The following MAMSTR variants were observed in gnomAD, a reference collection of about 807,000 sequenced individuals.
MAMSTR encodes MEF2 activating motif and SAP domain containing transcriptional regulator.
A neutral mutation model predicts 42.7 loss-of-function variants in MAMSTR; 41 were observed. The ratio of observed to expected loss-of-function variants is 0.96; its 90% CI spans 0.75 to 1.25. The LOEUF is 1.25. Among genes scored for constraint, MAMSTR ranks in the 50% most tolerant of loss-of-function variants. MAMSTR has a pLI of 0.00. For missense variants in MAMSTR, 567 were observed against 557.6 expected (o/e 1.02, Z -0.17); for synonymous variants, 265 against 244.1 (o/e 1.09, Z -0.80).
downstream of MAMSTR, among the ~76,000 whole-genome samples, chr19:48,712,091 C>T (rs184436953): frequency 6.6e-6 from 1 of 152,220 alleles, no homozygotes; most frequent in East Asian, 1.9e-4. Context: ...ATGGGTTTCA[C>T]CATGTTGGCC....
chr19:48,714,113 C>A lies in MAMSTR; in HGVS notation c.724-68G>T, dbSNP rs2032866781. On this transcript the variant is annotated intron_variant, in intron 7 of 9. Transcript: ENST00000318083. ...AGGGCGCAACCCCACCCACTCGCAA[C>A]GTGTGGCTCCACCCCTTGATCCTCT... 4.8e-6 allele frequency: 7 copies of A among 1,459,292 alleles called. No individual in the cohort carries two copies. In the African/African-American group the frequency reaches 7.1e-5, roughly 15 times the overall value. 90.4% of individuals were successfully genotyped at this position (1,459,292 alleles called of 1,614,324 possible).
At chr19:48,718,107 T>C (rs1284872474) in intron 2 of MAMSTR, among the ~76,000 whole-genome samples, 1 of 152,116 alleles carries the variant, frequency 6.6e-6, no homozygotes, top group Non-Finnish European at 1.5e-5. Flanking sequence ...CCTCCCAAAG[T>C]GCTGGGATTA....
downstream of MAMSTR, among the ~76,000 whole-genome samples, chr19:48,710,083 T>C (rs2032700574): frequency 6.6e-6 from 1 of 151,626 alleles, no homozygotes; most frequent in Non-Finnish European, 1.5e-5. Context: ...GGTCTTGATC[T>C]CCGGACCTCG....
At position 48,714,399 on chromosome 19, in the gene MAMSTR, G is replaced by A. The variant is rs1410873620; in HGVS notation, c.690C>T (p.Pro230=). The A allele has an allele frequency of 2.2e-6, 3 of 1,386,450 alleles. No individual in the cohort carries two copies. The highest frequency in any genetic ancestry group is 1.5e-5 in the African/African-American group (1 of 65,506). 85.9% of individuals were successfully genotyped at this position (1,386,450 alleles called of 1,614,324 possible). The change falls in exon 7 of 10, where the codon CCC becomes CCT. Residue 230 remains proline (P), a synonymous_variant. Transcript: ENST00000318083. Reference sequence around the variant, plus strand: ...GACGCCGGGCGGCTGCCAGGGCCTTGGGCTTGAGGCGCGGCCAGGGAGCAC... The same window carrying A: ...GACGCCGGGCGGCTGCCAGGGCCTTAGGCTTGAGGCGCGGCCAGGGAGCAC... ...PAGAPWPRLK[P]KALAAARRQG... is the part of the protein sequence containing the mutation.
At position 48,715,701 on chromosome 19, in the gene MAMSTR, G is replaced by A. The variant is rs929912462; in HGVS notation, c.164C>T (p.Thr55Met). The change falls in exon 4 of 10, where the codon ACG (threonine) becomes ATG (methionine). Residue 55 changes from threonine to methionine, a missense_variant. Transcript: ENST00000318083. ...CCCAGGGCTGAAGAGGAAAGGGGCC[G>A]TGCCCGAGGGCAAGGCCGGGGCCAG... is the stretch of plus-strand genomic sequence containing the variant. ...PPLAPALPSGTAPFLFSPGVL... is the reference protein window; with the variant it reads ...PPLAPALPSGMAPFLFSPGVL... 1.5e-4 allele frequency: 231 copies of A among 1,539,860 alleles called. No individual in the cohort carries two copies. The highest frequency in any genetic ancestry group is 2.0e-4 in the Non-Finnish European group (224 of 1,144,106).
Position 48,713,896 on chromosome 19 carries a change from CAG to C in MAMSTR, c.871_872del (p.Leu291GlyfsTer16). On this transcript the variant is annotated frameshift_variant, in exon 8 of 10. Transcript: ENST00000318083. LOFTEE classifies it high-confidence loss of function. ...SSGPGSAALT[L>X]EEELQEAIRR... The stretch of plus-strand genomic sequence containing the variant: ...GGATCGCTTCCTGCAGCTCCTCCTC[CAG>C]AGTCAGAGCCGCTGAGCCCGGCCCT... 6.2e-7 allele frequency: 1 copy of C among 1,612,126 alleles called. No homozygotes were observed. Among genetic ancestry groups the C allele is most frequent in the East Asian group, 2.2e-5 (1 of 44,834 alleles).
chr19:48,708,350 G>T (rs1276188058), downstream of MAMSTR, among the ~76,000 whole-genome samples: 1 of 152,132 alleles, frequency 6.6e-6, no homozygotes, highest in Admixed American at 6.6e-5. Flanking sequence ...TGGGGAGGGA[G>T]TACGTTTATA....
At chr19:48,714,705 C>A in intron 6 of MAMSTR, 101 bp downstream of exon 6, 1 of 1,268,990 alleles carries the variant, frequency 7.9e-7, no homozygotes, top group Admixed American at 1.7e-5. Context: ...GGACTGGGTA[C>A]CCGATCTCCT....
rs911750073 is a variant in MAMSTR at position 48,713,214 on chromosome 19, G to T, written c.*53C>A. On this transcript the variant is annotated 3_prime_UTR_variant, in exon 10 of 10. Coordinates refer to ENST00000318083, the MANE Select transcript of MAMSTR (RefSeq NM_001130915.2). ...CTGGTAGTTCCCTCTCCTCCCACAA[G>T]GAGCTTCTCTCCACCCCCATCAGTT... 6.7e-7 allele frequency: 1 copy of T among 1,500,714 alleles called. No individual in the cohort carries two copies. The highest frequency in any genetic ancestry group is 1.4e-5 in the African/African-American group (1 of 70,838). 93.0% of individuals were successfully genotyped at this position (1,500,714 alleles called of 1,614,324 possible).
At chr19:48,716,062 T>C (rs1166826469) in intron 3 of MAMSTR, 9 of 844,826 alleles carry the variant, frequency 1.1e-5, no homozygotes, top group African/African-American at 1.8e-5. Flanking sequence ...TCCTGGTTCT[T>C]GGGGAGAGGG....
At chr19:48,715,875 G>A in intron 3 of MAMSTR, 108 bp from the exon 4 acceptor site, 1 of 1,466,170 alleles carries the variant, frequency 6.8e-7, no homozygotes, top group Non-Finnish European at 9.0e-7. Context: ...GGCAGGCCAG[G>A]GAGCAAGACT....
chr19:48,709,539 C>T (rs2032695795), downstream of MAMSTR, among the ~76,000 whole-genome samples: 1 of 152,222 alleles, frequency 6.6e-6, no homozygotes, highest in Non-Finnish European at 1.5e-5. Flanking sequence ...TGCACCCAGC[C>T]CCCAGCTTGT....
At position 48,714,065 on chromosome 19, in the gene MAMSTR, G is replaced by T; in HGVS notation, c.724-20C>A. 1.3e-6 allele frequency: 2 copies of T among 1,556,320 alleles called. No individual in the cohort carries two copies. The highest frequency in any genetic ancestry group is 1.2e-5 in the South Asian group (1 of 81,998). On this transcript the variant is annotated intron_variant, in intron 7 of 9. Transcript: ENST00000318083. ...CTTGACCTAGAGCAGCCAAGAGGGC[G>T]AGCGCCCATAAGCCATGCCCACAGG...
chr19:48,715,845 G>A lies in MAMSTR; in HGVS notation c.98-78C>T, dbSNP rs547764754. Reference sequence around the variant, plus strand: ...GGAGGAGCAAGGCTGTGTGGAAAGCGGGGCTCCAGGGTGCCGGAGGGCAGG... The same window carrying A: ...GGAGGAGCAAGGCTGTGTGGAAAGCAGGGCTCCAGGGTGCCGGAGGGCAGG... On this transcript the variant is annotated intron_variant, in intron 3 of 9. Coordinates refer to ENST00000318083, the MANE Select transcript of MAMSTR (RefSeq NM_001130915.2). 4.2e-5 allele frequency: 63 copies of A among 1,488,324 alleles called. No individual in the cohort carries two copies. The African/African-American group carries it at 6.6e-4, about 16-fold the overall frequency. The allele number at this position is 1,488,324 out of a possible 1,614,324, so 92.2% of individuals were successfully genotyped here.
chr19:48,716,795 G>A, intron 2 of MAMSTR, 52 bp from the exon 3 acceptor site: 1 of 1,273,356 alleles, frequency 7.9e-7, no homozygotes, highest in Non-Finnish European at 1.0e-6. Context: ...GGAGTGTCCA[G>A]GAGCCTGGCC....
chr19:48,716,915 C>T (rs1020801445), intron 2 of MAMSTR, 172 bp from the exon 3 acceptor site: 41 of 1,208,720 alleles, frequency 3.4e-5, no homozygotes, highest in Non-Finnish European at 4.0e-5. Flanking sequence ...TCGGGCCTCC[C>T]GCCTGCTCCC....
At chr19:48,711,513 T>C (rs979451562), downstream of MAMSTR, among the ~76,000 whole-genome samples, 1 of 152,142 alleles carries the variant, frequency 6.6e-6, no homozygotes, top group Non-Finnish European at 1.5e-5. Context: ...CAGTCATAGA[T>C]AGTTATTGTT....
intron 2 of MAMSTR, among the ~76,000 whole-genome samples, chr19:48,717,236 C>T (rs2033079411): frequency 6.6e-6 from 1 of 152,152 alleles, no homozygotes; most frequent in South Asian, 2.1e-4. Context: ...TACGCACTTG[C>T]ATGTTTTTGC....
At chr19:48,707,676 G>A in the MAMSTR span, among the ~76,000 whole-genome samples, 2 of 151,218 alleles carry the variant, frequency 1.3e-5, no homozygotes, top group Non-Finnish European at 2.9e-5. Flanking sequence ...AGGAGGTGAA[G>A]TTTGCAATGA....
Sources: gnomAD v4.1 joint callset for allele counts (sites outside exome capture counted in the v4.1 genomes callset) on GRCh38, gnomAD v4.1.1 for gene constraint, MANE v1.5 for transcripts, NCBI Gene and HGNC (gene_info 2026-07-23, HGNC 2026-07-21) for gene names.